SQOR: variants seen among roughly 807,000 people sequenced by gnomAD.
SQOR encodes the protein sulfide:quinone oxidoreductase, mitochondrial.
SQOR carries 39 observed loss-of-function variants against 48.6 expected under a neutral mutation model. The ratio of observed to expected loss-of-function variants is 0.80; its 90% CI spans 0.62 to 1.05. The LOEUF is 1.05. Ranked by LOEUF, SQOR falls within the 50% of genes least tolerant of loss-of-function variation. The probability of loss-of-function intolerance (pLI) is 0.00; values close to 1 mark genes in which losing one functional copy is unlikely to be tolerated. For synonymous variants in SQOR, 220 were observed against 206.2 expected, an observed-to-expected ratio of 1.07 and a Z score of -0.57; for missense variants, 561 against 559.9, an observed-to-expected ratio of 1.00 and a Z score of -0.02.
At chr15:45,661,819 CTT>C in intron 2 of SQOR, 134 bp from the exon 3 acceptor site, 4 of 861,042 alleles carry the variant, frequency 4.6e-6, no homozygotes, top group Non-Finnish European at 5.2e-6. Context: ...ACGGAGCTAA[CTT>C]TGTGGAGACT....
intron 5 of SQOR, among the ~76,000 whole-genome samples, chr15:45,675,898 A>G (rs200231262): frequency 2.0e-5 from 3 of 152,082 alleles, no homozygotes; most frequent in African/African-American, 4.8e-5. Context: ...TCAGCCCCCA[A>G]CTCAAGTGTG....
intron 3 of SQOR, among the ~76,000 whole-genome samples, chr15:45,664,046 GA>G (rs149714233): frequency 1.6e-4 from 25 of 151,896 alleles, no homozygotes; most frequent in African/African-American, 3.6e-4. Context: ...GGTTATTCAT[GA>G]AAAAAAATAG....
intron 1 of SQOR, among the ~76,000 whole-genome samples, chr15:45,637,356 G>T (rs925888734): frequency 3.9e-5 from 6 of 152,150 alleles, no homozygotes; most frequent in African/African-American, 1.4e-4. Flanking sequence ...AAGGCACCCA[G>T]CACTGCACTT....
At chr15:45,641,021 A>G (rs1032058419) in intron 1 of SQOR, among the ~76,000 whole-genome samples, 1 of 152,170 alleles carries the variant, frequency 6.6e-6, no homozygotes, top group African/African-American at 2.4e-5. Flanking sequence ...AAGCAGAAAA[A>G]CAAGGTGTTC....
intron 1 of SQOR, among the ~76,000 whole-genome samples, chr15:45,657,470 T>C (rs73422326): frequency 0.022 from 3,373 of 152,222 alleles, 123 homozygotes; most frequent in African/African-American, 0.075. Flanking sequence ...TTTTATTGAC[T>C]CTAGACTCCT....
chr15:45,673,209 T>C (rs961645189), intron 4 of SQOR, among the ~76,000 whole-genome samples: 1 of 152,212 alleles, frequency 6.6e-6, no homozygotes, highest in African/African-American at 2.4e-5. Context: ...TACAACCTGA[T>C]AAAGAGTGAT....
chr15:45,661,989 G>C lies in SQOR; in HGVS notation c.269G>C (p.Gly90Ala). Residue 90 changes from glycine (G) to alanine (A), a missense_variant, in exon 3 of 10, where the codon GGT becomes GCT. Transcript: ENST00000260324. ...TACCAGCCAATCTGGACACTGGTGG[G>C]TGCTGGTGCCAAACAATTGTCCTCA... ...HFYQPIWTLV[G>A]AGAKQLSSSG... 6.2e-7 allele frequency: 1 copy of C among 1,614,210 alleles called. No individual in the cohort carries two copies.
chr15:45,689,320 G>C (rs746700795), intron 9 of SQOR, 103 bp downstream of exon 9: 9 of 1,161,480 alleles, frequency 7.7e-6, no homozygotes, highest in Non-Finnish European at 1.1e-5. Flanking sequence ...GTGACCAAGT[G>C]TTCTGTCTTC....
In SQOR at chr15:45,662,046, C is replaced by G; in HGVS notation, c.326C>G (p.Ser109Cys). Residue 109 changes from serine to cysteine, a missense_variant, in exon 3 of 10, where the codon TCT becomes TGT. Physicochemically the swap from Ser to Cys is moderately radical, Grantham distance 112. Transcript: ENST00000260324. ...SGRPTASVIP[S>C]GVEWIKARVT... ...CGTCCCACGGCAAGTGTGATTCCAT[C>G]TGGTGTAGAATGGATCAAAGCTAGA... 6.2e-7 allele frequency: 1 copy of G among 1,614,232 alleles called. No homozygotes were observed. The highest frequency in any genetic ancestry group is 1.3e-5 in the African/African-American group (1 of 75,062).
At chr15:45,651,379 C>T (rs373756075) in intron 1 of SQOR, among the ~76,000 whole-genome samples, 13 of 152,320 alleles carry the variant, frequency 8.5e-5, no homozygotes, top group African/African-American at 2.4e-4. Context: ...TTCCCGCCCG[C>T]GCCTCTCCCT....
chr15:45,651,265 T>A (rs558855985), intron 1 of SQOR, among the ~76,000 whole-genome samples: 1 of 152,240 alleles, frequency 6.6e-6, no homozygotes, highest in East Asian at 1.9e-4. Context: ...AGCCCCTCAC[T>A]GCCCGGGCCT....
rs889323302 is a variant in SQOR at position 45,691,132 on chromosome 15, A to G, written c.*102A>G. On this transcript the variant is annotated 3_prime_UTR_variant, in exon 10 of 10. Transcript: ENST00000260324. ...AAGGACTTGGAACCTATCCTTGTAA[A>G]GAGTTCCTTGATGGGTAATGGTGAC... The G allele has an allele frequency of 1.9e-6, 2 of 1,051,740 alleles. No homozygotes were observed. The highest frequency in any genetic ancestry group is 1.5e-6 in the Non-Finnish European group (1 of 668,734). The allele number at this position is 1,051,740 out of a possible 1,614,324, so 65.2% of individuals were successfully genotyped here.
intron 1 of SQOR, 47 bp from the exon 2 acceptor site, chr15:45,658,860 C>A: frequency 7.3e-7 from 1 of 1,374,460 alleles, no homozygotes; most frequent in Non-Finnish European, 9.6e-7. Context: ...TTCAGTCCCA[C>A]GATGGTTTCT....
intron 1 of SQOR, among the ~76,000 whole-genome samples, chr15:45,643,579 G>A (rs593126): frequency 0.26 from 40,067 of 152,096 alleles, 6,638 homozygotes; most frequent in East Asian, 0.64. Flanking sequence ...TACATATTTA[G>A]CATAGCTAAA....
chr15:45,639,973 C>A lies in SQOR; in HGVS notation c.-18+4865C>A, dbSNP rs547739615. On this transcript the variant is annotated intron_variant, in intron 1 of 9. Transcript: ENST00000260324. ...GGTAAATGACTATCTCATGGTCTTA[C>A]AATCTCCATTTCCTCACTTATAAAA... Among the ~76,000 whole-genome samples, 7 of 152,318 alleles carry A rather than the reference C, an allele frequency of 4.6e-5. No individual in the cohort carries two copies. The East Asian group carries it at 1.4e-3, about 29-fold the overall frequency.
At chr15:45,640,793 T>C (rs755861230) in intron 1 of SQOR, among the ~76,000 whole-genome samples, 2 of 152,194 alleles carry the variant, frequency 1.3e-5, no homozygotes, top group Non-Finnish European at 2.9e-5. Context: ...ATCCCTGTTG[T>C]GTGACTGGGA....
At chr15:45,647,650 C>T (rs541343050) in intron 1 of SQOR, among the ~76,000 whole-genome samples, 2 of 151,788 alleles carry the variant, frequency 1.3e-5, no homozygotes, top group South Asian at 2.1e-4. Flanking sequence ...CCCGGTGGCT[C>T]AGGCCGGTAA....
rs528954568 is a variant in SQOR, at chr15:45,677,865, T to A, written c.864+1555T>A. 3.5e-4 allele frequency among the ~76,000 whole-genome samples: 53 copies of A among 152,294 alleles called. 2 individuals carry two copies. Among genetic ancestry groups the A allele is most frequent in the African/African-American group, 1.2e-3 (49 of 41,564 alleles). Reference sequence around the variant, plus strand: ...ACAGGTGTGCACCACCATGCCCGGCTAATTTTTTTATTTTTTATTTTTAGT... The same window carrying A: ...ACAGGTGTGCACCACCATGCCCGGCAAATTTTTTTATTTTTTATTTTTAGT... On this transcript the variant is annotated intron_variant, in intron 6 of 9. Transcript: ENST00000260324.
intron 7 of SQOR, among the ~76,000 whole-genome samples, chr15:45,686,071 C>T (rs1005927639): frequency 2.0e-5 from 3 of 150,592 alleles, no homozygotes; most frequent in Non-Finnish European, 4.4e-5. Flanking sequence ...GTCTCAAACT[C>T]CTGGGCTCAA....
Sources: allele counts gnomAD v4.1 joint callset (sites outside exome capture counted in the v4.1 genomes callset), GRCh38; gene constraint gnomAD v4.1.1; transcripts MANE v1.5; gene names NCBI Gene and HGNC (gene_info 2026-07-23, HGNC 2026-07-21).